The following SENP2 variants were observed in gnomAD, a reference collection of about 807,000 sequenced individuals.
SENP2 encodes the protein SUMO specific peptidase 2.
A neutral mutation model predicts 86.3 loss-of-function variants in SENP2; 16 were observed. The ratio of observed to expected loss-of-function variants is 0.19; its 90% CI spans 0.13 to 0.28. SENP2 has a LOEUF of 0.28. Ranked by LOEUF, SENP2 falls within the 10% of genes least tolerant of loss-of-function variation. SENP2 has a pLI of 1.00. For missense variants in SENP2, 552 were observed against 703.0 expected (o/e 0.79, Z 2.43); for synonymous variants, 222 against 238.7 (o/e 0.93, Z 0.64).
chr3:185,617,752 A>G, intron 12 of SENP2, 141 bp downstream of exon 12: 1 of 690,982 alleles, frequency 1.4e-6, no homozygotes, highest in South Asian at 2.5e-5. Context: ...TTTAAATCTT[A>G]AAAAGATGGT....
chr3:185,606,024 G>T (rs971263109), intron 5 of SENP2, among the ~76,000 whole-genome samples: 8 of 152,148 alleles, frequency 5.3e-5, no homozygotes, highest in African/African-American at 1.9e-4. Context: ...GAAAAATGCA[G>T]TATCAGAAGG....
At position 185,601,190 on chromosome 3, in the gene SENP2, C is replaced by A. The variant is rs1007310677; in HGVS notation, c.449+335C>A. Among the ~76,000 whole-genome samples, 7 of 151,686 alleles carry A rather than the reference C, an allele frequency of 4.6e-5. No individual in the cohort carries two copies. The East Asian group carries it at 9.6e-4, about 21-fold the overall frequency. On this transcript the variant is annotated intron_variant, in intron 5 of 16. Transcript: ENST00000296257. The stretch of plus-strand genomic sequence containing the variant: ...TCCTGAGTAGCTGGGATTACAGGCA[C>A]CCCCACACCATGCCCGGCTAATTTT...
chr3:185,629,737 C>T, intron 16 of SENP2, 45 bp from the exon 17 acceptor site: 1 of 1,588,708 alleles, frequency 6.3e-7, no homozygotes, highest in Non-Finnish European at 8.6e-7. Context: ...TGCTGCCATG[C>T]ACATTAATAT....
chr3:185,596,910 A>G (rs1260744300), intron 2 of SENP2, among the ~76,000 whole-genome samples: 3 of 151,902 alleles, frequency 2.0e-5, no homozygotes, highest in Non-Finnish European at 2.9e-5. Context: ...CTGGAGTGCA[A>G]TGGCACGATC....
Position 185,606,408 on chromosome 3 carries a change from A to G in SENP2, c.528A>G (p.Leu176=). Residue 176 remains leucine (L), a synonymous_variant, in exon 6 of 17, where the codon TTA becomes TTG. Coordinates refer to ENST00000296257, the MANE Select transcript of SENP2 (RefSeq NM_021627.3). ...GCAAAGGTAATCCAGAGAGTTCTTT[A>G]ATGTGGAAACCTCAGGAACAGGCTG... is the stretch of plus-strand genomic sequence containing the variant. ...RHSKGNPESS[L]MWKPQEQAVT... 2 of 1,613,948 alleles carry G rather than the reference A, an allele frequency of 1.2e-6. No homozygotes were observed. Among genetic ancestry groups the G allele is most frequent in the Non-Finnish European group, 1.7e-6 (2 of 1,179,982 alleles).
At chr3:185,588,466 C>T (rs1218535798) in intron 1 of SENP2, among the ~76,000 whole-genome samples, 2 of 152,230 alleles carry the variant, frequency 1.3e-5, no homozygotes, top group Non-Finnish European at 2.9e-5. Flanking sequence ...GCTGGGACTA[C>T]AGACGTGAGC....
chr3:185,598,555 G>T lies in SENP2; in HGVS notation c.291+10G>T, dbSNP rs1169310235. On this transcript the variant is annotated intron_variant, in intron 3 of 16. Coordinates refer to ENST00000296257, the MANE Select transcript of SENP2 (RefSeq NM_021627.3). ...GGCCCCTTCAGGAGAGGTCAGTGGG[G>T]ATGAGACTCCATTAGGAATACTGAT... is the stretch of plus-strand genomic sequence containing the variant. 2 of 1,612,162 alleles carry T rather than the reference G, an allele frequency of 1.2e-6. No individual in the cohort carries two copies. The highest frequency in any genetic ancestry group is 2.7e-5 in the African/African-American group (2 of 74,942).
At chr3:185,604,990 G>T (rs1213640875) in intron 5 of SENP2, among the ~76,000 whole-genome samples, 1 of 150,440 alleles carries the variant, frequency 6.6e-6, no homozygotes, top group Non-Finnish European at 1.5e-5. Context: ...TCCTGACCTC[G>T]TGATCCACCC....
chr3:185,593,667 A>T (rs1220587232), intron 2 of SENP2, among the ~76,000 whole-genome samples: 1 of 151,852 alleles, frequency 6.6e-6, no homozygotes, highest in Non-Finnish European at 1.5e-5. Context: ...TGTCTAATAT[A>T]TGCTAATCTC....
Position 185,614,601 on chromosome 3 carries a change from A to T in SENP2, c.971A>T (p.Glu324Val). 1 of 1,614,126 alleles carries T rather than the reference A, an allele frequency of 6.2e-7. No homozygotes were observed. The highest frequency in any genetic ancestry group is 8.5e-7 in the Non-Finnish European group (1 of 1,180,006). ...GYQLEPDLSE[E>V]VSARLRLGSG... is the part of the protein sequence containing the mutation. Reference sequence around the variant, plus strand: ...CAACTGGAGCCTGACCTATCAGAAGAAGTGTCGGCCCGACTCCGCCTGGGC... The same window carrying T: ...CAACTGGAGCCTGACCTATCAGAAGTAGTGTCGGCCCGACTCCGCCTGGGC... Residue 324 changes from glutamate to valine, a missense_variant, in exon 11 of 17, where the codon GAA becomes GTA. By Grantham distance (121) the Glu-to-Val change is moderately radical. This residue lies in a region of SENP2 where 383 missense variants were observed against 427.3 expected (regional missense o/e 0.90). Coordinates refer to ENST00000296257, the MANE Select transcript of SENP2 (RefSeq NM_021627.3).
intron 6 of SENP2, chr3:185,606,897 G>GA: frequency 9.1e-5 from 33 of 361,374 alleles, no homozygotes; most frequent in Non-Finnish European, 1.5e-4. Flanking sequence ...ACTTTTTTCA[G>GA]AAATAAAAAT....
intron 5 of SENP2, among the ~76,000 whole-genome samples, chr3:185,606,036 G>A (rs1363791011): frequency 6.6e-6 from 1 of 152,158 alleles, no homozygotes; most frequent in African/African-American, 2.4e-5. Flanking sequence ...ATCAGAAGGG[G>A]TATATGCAAT....
intron 1 of SENP2, among the ~76,000 whole-genome samples, chr3:185,588,540 A>C: frequency 6.6e-6 from 1 of 152,178 alleles, no homozygotes; most frequent in East Asian, 1.9e-4. Context: ...AAGTGGAAGA[A>C]GTGTTCATTT....
chr3:185,625,409 C>T (rs1205490806), intron 15 of SENP2, among the ~76,000 whole-genome samples: 2 of 152,132 alleles, frequency 1.3e-5, no homozygotes, highest in Non-Finnish European at 2.9e-5. Context: ...CCGTACCCGG[C>T]CACTAGGCAA....
rs112619161 is a variant in SENP2 at position 185,624,092 on chromosome 3, G to A, written c.1611+10G>A. 4.1e-5 allele frequency: 65 copies of A among 1,584,224 alleles called. No individual in the cohort carries two copies. The highest frequency in any genetic ancestry group is 5.0e-5 in the Non-Finnish European group (58 of 1,156,398). ...CAGCATGAAACCACACGTGAGTGAC[G>A]ATCATCTACATGTGACATACTTGGT... On this transcript the variant is annotated intron_variant, in intron 15 of 16. Coordinates refer to ENST00000296257, the MANE Select transcript of SENP2 (RefSeq NM_021627.3).
intron 7 of SENP2, among the ~76,000 whole-genome samples, chr3:185,610,890 G>A (rs966919183): frequency 6.6e-6 from 1 of 151,908 alleles, no homozygotes; most frequent in Non-Finnish European, 1.5e-5. Context: ...CCCGGGAGGC[G>A]GAGCTTGCAG....
intron 1 of SENP2, among the ~76,000 whole-genome samples, chr3:185,587,895 C>T (rs1314659767): frequency 6.6e-6 from 1 of 150,774 alleles, no homozygotes; most frequent in Non-Finnish European, 1.5e-5. Context: ...CCACTGCACC[C>T]GGCTTATATT....
At chr3:185,627,830 C>T (rs1013052666) in intron 16 of SENP2, among the ~76,000 whole-genome samples, 5 of 152,160 alleles carry the variant, frequency 3.3e-5, no homozygotes, top group East Asian at 1.9e-4. Flanking sequence ...TGAGGACAAC[C>T]TCATTAAAGA....
intron 11 of SENP2, among the ~76,000 whole-genome samples, chr3:185,616,242 A>G (rs1711598805): frequency 7.2e-6 from 1 of 138,956 alleles, no homozygotes; most frequent in Admixed American, 7.2e-5. Context: ...GGAAGCCAAG[A>G]TGGGCGGATC....
Sources: allele counts gnomAD v4.1 joint callset (sites outside exome capture counted in the v4.1 genomes callset), GRCh38; gene constraint gnomAD v4.1.1; regional missense constraint gnomAD v4.1.1; transcripts MANE v1.5; gene names NCBI Gene and HGNC (gene_info 2026-07-23, HGNC 2026-07-21).